The following PECR variants were observed in gnomAD, a reference collection of about 807,000 sequenced individuals.
The protein encoded by PECR is 2,4-dienoyl-CoA reductase-related protein.
Under a neutral mutation model 35.3 loss-of-function variants are expected in PECR, and 30 were observed. The ratio of observed to expected loss-of-function variants is 0.85; its 90% CI spans 0.64 to 1.15. The LOEUF (loss-of-function observed/expected upper bound fraction) is 1.15. PECR is among the 50% of genes most tolerant of loss of function. The pLI is 0.00. For missense variants in PECR, 392 were observed against 370.8 expected, an observed-to-expected ratio of 1.06 and a Z score of -0.47; for synonymous variants, 148 against 138.9, an observed-to-expected ratio of 1.07 and a Z score of -0.46.
At chr2:216,037,403 C>G (rs1354371311), downstream of PECR, among the ~76,000 whole-genome samples, 1 of 152,218 alleles carries the variant, frequency 6.6e-6, no homozygotes, top group Non-Finnish European at 1.5e-5. Context: ...GTCATTAACA[C>G]AGGTCATGTG....
At chr2:216,060,451 C>T (rs894287580) in intron 3 of PECR, among the ~76,000 whole-genome samples, 2 of 152,076 alleles carry the variant, frequency 1.3e-5, no homozygotes, top group African/African-American at 4.8e-5. Flanking sequence ...CACTTAAGGC[C>T]AGGAGTTCAA....
chr2:216,029,935 C>T (rs1240748219), intron 7 of PECR, among the ~76,000 whole-genome samples: 1 of 152,184 alleles, frequency 6.6e-6, no homozygotes, highest in Non-Finnish European at 1.5e-5. Flanking sequence ...TCTCTTATGG[C>T]CTGTGGTCGG....
intron 1 of PECR, among the ~76,000 whole-genome samples, chr2:216,076,893 C>A (rs1282326254): frequency 6.6e-6 from 1 of 151,394 alleles, no homozygotes; most frequent in Non-Finnish European, 1.5e-5. Context: ...TAACAGCATT[C>A]CAATTTTACT....
In PECR at chr2:216,049,175, C is replaced by T. The variant is rs532973682; in HGVS notation, c.714+88G>A. The stretch of plus-strand genomic sequence containing the variant: ...CTGCTGGCAGTGGGAGAAATAATGT[C>T]GTCCAGACCGCATAAAAATGACACT... On this transcript the variant is annotated intron_variant, in intron 6 of 7. Transcript: ENST00000265322. 18 of 782,900 alleles carry T rather than the reference C, an allele frequency of 2.3e-5. 1 individual carries two copies. Among genetic ancestry groups the T allele is most frequent in the African/African-American group, 1.4e-4 (8 of 59,244 alleles). 48.5% of individuals were successfully genotyped at this position (782,900 alleles called of 1,614,324 possible). A position where few individuals can be genotyped will look rare whatever the true frequency, so the allele number is the denominator to read the frequency against.
chr2:216,072,538 T>G (rs1695610834), intron 1 of PECR, among the ~76,000 whole-genome samples: 1 of 152,202 alleles, frequency 6.6e-6, no homozygotes, highest in Non-Finnish European at 1.5e-5. Context: ...TCCCACCTTT[T>G]AGAGTCTCCA....
intron 3 of PECR, among the ~76,000 whole-genome samples, chr2:216,060,497 A>G (rs1695316613): frequency 6.6e-6 from 1 of 152,148 alleles, no homozygotes; most frequent in Non-Finnish European, 1.5e-5. Flanking sequence ...CTCTGTCTCT[A>G]TGAAAAATTA....
intron 4 of PECR, among the ~76,000 whole-genome samples, chr2:216,054,604 G>A (rs1231424528): frequency 6.6e-6 from 1 of 151,434 alleles, no homozygotes; most frequent in Non-Finnish European, 1.5e-5. Flanking sequence ...CCAAAGTGCT[G>A]GGATTACAGG....
intron 3 of PECR, among the ~76,000 whole-genome samples, 176 bp from the exon 4 acceptor site, chr2:216,059,152 C>T (rs1695285473): frequency 6.6e-6 from 1 of 152,182 alleles, no homozygotes; most frequent in Non-Finnish European, 1.5e-5. Flanking sequence ...TTTAAGTGTG[C>T]AATGTAATGA....
chr2:216,057,235 C>T lies in PECR; in HGVS notation c.506+1660G>A, dbSNP rs367690058. On this transcript the variant is annotated intron_variant, in intron 4 of 7. Coordinates refer to ENST00000265322, the MANE Select transcript of PECR (RefSeq NM_018441.6). The stretch of plus-strand genomic sequence containing the variant: ...GATGTACAGAAAATGTTACTTACTG[C>T]AGGTGTTTAGTTTGGTTTTGGTAAT... 2.1e-4 allele frequency among the ~76,000 whole-genome samples: 32 copies of T among 152,222 alleles called. No homozygotes were observed. In the East Asian group the frequency reaches 5.8e-3, roughly 28 times the overall value.
In PECR at chr2:216,066,336, A is replaced by ACTG. The variant is rs769749325; in HGVS notation, c.258+46_258+48dup. ...AGCATAGCCAGGTTTAAGAAACACTACTGCAAATTACAATGAATGAATAAA... is the reference window on the plus strand; with the variant it reads ...AGCATAGCCAGGTTTAAGAAACACTACTGCTGCAAATTACAATGAATGAATAAA... On this transcript the variant is annotated intron_variant, in intron 2 of 7. Coordinates refer to ENST00000265322, the MANE Select transcript of PECR (RefSeq NM_018441.6). The ACTG allele has an allele frequency of 8.5e-6, 13 of 1,526,504 alleles. No homozygotes were observed. In the Admixed American group the frequency reaches 1.7e-4, roughly 20 times the overall value. 94.6% of individuals were successfully genotyped at this position (1,526,504 alleles called of 1,614,324 possible). A position where few individuals can be genotyped will look rare whatever the true frequency, so the allele number is the denominator to read the frequency against.
At chr2:216,049,201 G>A in intron 6 of PECR, 62 bp downstream of exon 6, 2 of 849,002 alleles carry the variant, frequency 2.4e-6, no homozygotes, top group East Asian at 4.8e-5. Flanking sequence ...AAATGACACT[G>A]AATTACAAAT....
At chr2:216,067,916 G>A (rs1309246573) in intron 1 of PECR, among the ~76,000 whole-genome samples, 1 of 151,990 alleles carries the variant, frequency 6.6e-6, no homozygotes, top group Non-Finnish European at 1.5e-5. Flanking sequence ...CACATAATTA[G>A]GAGAAAAGTC....
At chr2:216,053,517 T>C (rs1008961539) in intron 4 of PECR, among the ~76,000 whole-genome samples, 4 of 152,168 alleles carry the variant, frequency 2.6e-5, no homozygotes, top group African/African-American at 9.7e-5. Context: ...GTGCTGGGAT[T>C]ACAGACGTGA....
intron 6 of PECR, among the ~76,000 whole-genome samples, chr2:216,046,310 A>ATATATATATT (rs1553560626): frequency 8.3e-5 from 8 of 96,954 alleles, no homozygotes; most frequent in African/African-American, 3.2e-4. Context: ...ATATATATAT[A>ATATATATATT]TTTTTTTTTT....
intron 7 of PECR, among the ~76,000 whole-genome samples, chr2:216,043,219 T>G (rs760520733): frequency 6.6e-6 from 1 of 151,864 alleles, no homozygotes; most frequent in East Asian, 1.9e-4. Context: ...ACCATTCTCC[T>G]GCCTCAGCCT....
At chr2:216,054,803 T>G (rs759747646) in intron 4 of PECR, among the ~76,000 whole-genome samples, 15 of 152,274 alleles carry the variant, frequency 9.9e-5, no homozygotes, top group Non-Finnish European at 7.4e-5. Context: ...AAAAATGAAT[T>G]TGGGGTTATT....
intron 3 of PECR, among the ~76,000 whole-genome samples, chr2:216,061,184 A>G (rs1308129333): frequency 1.3e-5 from 2 of 148,708 alleles, no homozygotes; most frequent in Non-Finnish European, 3.0e-5. Flanking sequence ...TTAGTAGCCT[A>G]GTATGCACCT....
intron 3 of PECR, 129 bp downstream of exon 3, chr2:216,065,183 C>A: frequency 1.3e-6 from 1 of 770,904 alleles, no homozygotes; most frequent in South Asian, 1.4e-5. Context: ...TACCAATTTA[C>A]ATTCCTATGT....
intron 7 of PECR, among the ~76,000 whole-genome samples, chr2:216,030,954 T>TCACACA (rs1351013731): frequency 1.6e-4 from 18 of 109,470 alleles, no homozygotes; most frequent in Non-Finnish European, 2.5e-4. Flanking sequence ...TCTCTCTCTC[T>TCACACA]CTCACACACA....
Sources: gnomAD v4.1 joint callset for allele counts (sites outside exome capture counted in the v4.1 genomes callset) on GRCh38, gnomAD v4.1.1 for gene constraint, MANE v1.5 for transcripts, NCBI Gene and HGNC (gene_info 2026-07-23, HGNC 2026-07-21) for gene names.